KIAA1328: variants seen among roughly 807,000 people sequenced by gnomAD.
KIAA1328 encodes the protein protein hinderin.
A neutral mutation model predicts 68.1 loss-of-function variants in KIAA1328; 52 were observed. The ratio of observed to expected loss-of-function variants is 0.76; its 90% CI spans 0.61 to 0.96. The LOEUF (loss-of-function observed/expected upper bound fraction) is 0.96. Among genes scored for constraint, KIAA1328 ranks in the 40% least tolerant of loss-of-function variants. The pLI is 0.00. For missense variants in KIAA1328, 641 were observed against 677.6 expected (o/e 0.95, Z 0.60); for synonymous variants, 232 against 239.4 (o/e 0.97, Z 0.28).
intron 7 of KIAA1328, among the ~76,000 whole-genome samples, chr18:37,094,049 G>A (rs1279243084): frequency 1.3e-5 from 2 of 152,184 alleles, no homozygotes; most frequent in Non-Finnish European, 2.9e-5. Context: ...GGGGAGGATG[G>A]TTTTGGGATG....
rs1434640313 is a variant in KIAA1328 at position 37,224,120 on chromosome 18, T to C, written c.*1893T>C. On this transcript the variant is annotated 3_prime_UTR_variant, in exon 10 of 10. Transcript: ENST00000280020. ...AGTTAAAGTTAGGTTGCCAGAACTT[T>C]CTTTTCCTTGCCCCCTGTGTCATGA... is the stretch of plus-strand genomic sequence containing the variant. 2 of 985,292 alleles carry C rather than the reference T, an allele frequency of 2.0e-6. No individual in the cohort carries two copies. The highest frequency in any genetic ancestry group is 1.7e-5 in the African/African-American group (1 of 57,230). 61.0% of individuals were successfully genotyped at this position (985,292 alleles called of 1,614,324 possible). A position where few individuals can be genotyped will look rare whatever the true frequency, so the allele number is the denominator to read the frequency against.
intron 6 of KIAA1328, among the ~76,000 whole-genome samples, chr18:36,962,138 AAAC>A (rs1200110711): frequency 6.6e-6 from 1 of 152,210 alleles, no homozygotes; most frequent in Non-Finnish European, 1.5e-5. Context: ...AGCAAATGGA[AAAC>A]AACAACAACA....
intron 9 of KIAA1328, 41 bp downstream of exon 9, chr18:37,173,122 T>A (rs903028234): frequency 7.1e-7 from 1 of 1,411,302 alleles, no homozygotes; most frequent in African/African-American, 1.4e-5. Context: ...ATTCTCCCTA[T>A]GAGAGCATTT....
chr18:37,106,625 G>T (rs1425428699), intron 7 of KIAA1328, among the ~76,000 whole-genome samples: 1 of 151,954 alleles, frequency 6.6e-6, no homozygotes, highest in Non-Finnish European at 1.5e-5. Context: ...CACCATGTTG[G>T]CCAGGCTGGT....
In KIAA1328 at chr18:37,222,774, G is replaced by A. The variant is rs1599640240; in HGVS notation, c.*547G>A. On this transcript the variant is annotated 3_prime_UTR_variant, in exon 10 of 10. Transcript: ENST00000280020. The stretch of plus-strand genomic sequence containing the variant: ...CCCTGCCATCACAAACAACACGAGA[G>A]CCAATTGTGAGTCAGTCTCAGTAGC... 8 of 994,836 alleles carry A rather than the reference G, an allele frequency of 8.0e-6. No homozygotes were observed. The highest frequency in any genetic ancestry group is 9.6e-6 in the Non-Finnish European group (8 of 836,114). 61.6% of individuals were successfully genotyped at this position (994,836 alleles called of 1,614,324 possible).
chr18:37,082,166 A>ATTTTTTT (rs34106395), intron 7 of KIAA1328, among the ~76,000 whole-genome samples: 5 of 100,422 alleles, frequency 5.0e-5, no homozygotes, highest in African/African-American at 8.5e-5. Context: ...TGCCCCAAGG[A>ATTTTTTT]TTTTTTTTTT....
At chr18:37,194,763 C>T (rs1201601205) in intron 9 of KIAA1328, among the ~76,000 whole-genome samples, 3 of 152,074 alleles carry the variant, frequency 2.0e-5, no homozygotes. Flanking sequence ...CGGGTTCAAG[C>T]GATTTTCCTG....
Position 37,222,302 on chromosome 18 carries a change from C to A in KIAA1328, c.*75C>A. On this transcript the variant is annotated 3_prime_UTR_variant, in exon 10 of 10. Coordinates refer to ENST00000280020, the MANE Select transcript of KIAA1328 (RefSeq NM_020776.3). ...TCTAGGATTTTAAATTATTTCATTG[C>A]AAAGTAATTGTGTCTCTCCTTTCAC... 1 of 1,532,234 alleles carries A rather than the reference C, an allele frequency of 6.5e-7. No homozygotes were observed. The highest frequency in any genetic ancestry group is 1.4e-5 in the African/African-American group (1 of 72,474). 94.9% of individuals were successfully genotyped at this position (1,532,234 alleles called of 1,614,324 possible).
At position 36,876,202 on chromosome 18, in the gene KIAA1328, C is replaced by T. The variant is rs1408708214; in HGVS notation, c.333-9355C>T. ...TCATAAAACGAGTTAGGCAGGAGTC[C>T]CTCTTTTTCTATTGTTTGGAATAGT... is the stretch of plus-strand genomic sequence containing the variant. On this transcript the variant is annotated intron_variant, in intron 4 of 9. Coordinates refer to ENST00000280020, the MANE Select transcript of KIAA1328 (RefSeq NM_020776.3). Among the ~76,000 whole-genome samples the T allele has an allele frequency of 2.0e-5, 3 of 151,950 alleles. No individual in the cohort carries two copies. The East Asian group carries it at 5.8e-4, about 29-fold the overall frequency.
At chr18:37,211,093 T>C (rs1170687491) in intron 9 of KIAA1328, among the ~76,000 whole-genome samples, 1 of 152,250 alleles carries the variant, frequency 6.6e-6, no homozygotes, top group Admixed American at 6.5e-5. Context: ...GAGGAAAAGA[T>C]AGCTCAGTTA....
chr18:37,113,672 TG>T (rs1267714661), intron 7 of KIAA1328, among the ~76,000 whole-genome samples: 2 of 152,002 alleles, frequency 1.3e-5, no homozygotes, highest in African/African-American at 4.8e-5. Context: ...TAACCTTAAA[TG>T]TAAATGGGCT....
chr18:36,912,000 CTCCATAG>C (rs2049471870), intron 5 of KIAA1328, among the ~76,000 whole-genome samples: 1 of 152,060 alleles, frequency 6.6e-6, no homozygotes, highest in Non-Finnish European at 1.5e-5. Context: ...CTTATTCTTT[CTCCATAG>C]TTCTATACAT....
At chr18:36,848,699 A>T (rs554347309) in intron 4 of KIAA1328, among the ~76,000 whole-genome samples, 44 of 150,990 alleles carry the variant, frequency 2.9e-4, no homozygotes, top group African/African-American at 1.0e-3. Context: ...TTTTTAATAG[A>T]TGTTCTTTAT....
chr18:36,831,412 T>C (rs1568049362), intron 1 of KIAA1328, among the ~76,000 whole-genome samples: 1 of 152,048 alleles, frequency 6.6e-6, no homozygotes, highest in Non-Finnish European at 1.5e-5. Context: ...AAACAATGAG[T>C]GTGTGGTGTT....
At chr18:37,133,096 A>T (rs1158545451) in intron 7 of KIAA1328, among the ~76,000 whole-genome samples, 2 of 152,104 alleles carry the variant, frequency 1.3e-5, no homozygotes, top group African/African-American at 4.8e-5. Context: ...GCACTTTGGG[A>T]GGCTGAGGCG....
At chr18:36,830,836 C>T (rs1250239843) in intron 1 of KIAA1328, among the ~76,000 whole-genome samples, 3 of 152,092 alleles carry the variant, frequency 2.0e-5, no homozygotes, top group Non-Finnish European at 4.4e-5. Flanking sequence ...GCGATTATAT[C>T]CTATAAGATC....
intron 7 of KIAA1328, among the ~76,000 whole-genome samples, chr18:37,142,140 T>A (rs2058778592): frequency 6.6e-6 from 1 of 152,196 alleles, no homozygotes; most frequent in Non-Finnish European, 1.5e-5. Context: ...CTATATTAAG[T>A]ACATTTTTGT....
chr18:37,050,363 A>G (rs1214905349), intron 6 of KIAA1328, among the ~76,000 whole-genome samples: 1 of 152,102 alleles, frequency 6.6e-6, no homozygotes, highest in Non-Finnish European at 1.5e-5. Context: ...ACCTCTGAAG[A>G]CTGTTCTCAC....
chr18:37,054,996 A>G (rs1046737568), intron 6 of KIAA1328, among the ~76,000 whole-genome samples: 3 of 152,106 alleles, frequency 2.0e-5, no homozygotes, highest in South Asian at 4.1e-4. Context: ...TTTAAATTCC[A>G]TAATTATTGA....
Sources: allele counts gnomAD v4.1 joint callset (sites outside exome capture counted in the v4.1 genomes callset), GRCh38; gene constraint gnomAD v4.1.1; transcripts MANE v1.5; gene names NCBI Gene and HGNC (gene_info 2026-07-23, HGNC 2026-07-21).